Variants in PKN2 observed in about 807,000 individuals in gnomAD.
PKN2 encodes the protein protein kinase N2, also known as serine/threonine-protein kinase N2.
A neutral mutation model predicts 119.1 loss-of-function variants in PKN2; 38 were observed. The observed-to-expected ratio is 0.32, with a 90% CI of 0.25 to 0.42. PKN2 has a LOEUF of 0.42. Among genes scored for constraint, PKN2 ranks in the 10% least tolerant of loss-of-function variants. The pLI is 1.00. For missense variants in PKN2, 850 were observed against 1,165.1 expected (o/e 0.73, Z 3.94); for synonymous variants, 390 against 384.9 (o/e 1.01, Z -0.15).
At chr1:88,700,458 A>G (rs1666728121) in intron 1 of PKN2, among the ~76,000 whole-genome samples, 1 of 152,106 alleles carries the variant, frequency 6.6e-6, no homozygotes. Context: ...ACTTCGTTTG[A>G]CCATAGTTCA....
chr1:88,705,051 A>G (rs969920814), intron 1 of PKN2, among the ~76,000 whole-genome samples: 3 of 151,652 alleles, frequency 2.0e-5, no homozygotes, highest in African/African-American at 7.3e-5. Context: ...GAGAGTCTTT[A>G]TATATTCTGA....
intron 2 of PKN2, among the ~76,000 whole-genome samples, chr1:88,748,659 G>A (rs1668867398): frequency 6.6e-6 from 1 of 152,150 alleles, no homozygotes; most frequent in South Asian, 2.1e-4. Flanking sequence ...AGATGGCTGG[G>A]CACAGTGGCT....
intron 8 of PKN2, among the ~76,000 whole-genome samples, chr1:88,800,834 G>T (rs1037422816): frequency 1.3e-5 from 2 of 152,104 alleles, no homozygotes; most frequent in Non-Finnish European, 2.9e-5. Flanking sequence ...AAGACATGCA[G>T]ATTCTTTAAG....
rs1307422597 is a variant in PKN2 at position 88,823,785 on chromosome 1, C to T, written c.2343-525C>T. ...CAGCACTTTGGAAGGCTGAGGCCAG[C>T]GGATCACGAGGTCAGAAGTTCAAGA... On this transcript the variant is annotated intron_variant, in intron 17 of 21. Coordinates refer to ENST00000370521, the MANE Select transcript of PKN2 (RefSeq NM_006256.4). Among the ~76,000 whole-genome samples, 7 of 145,088 alleles carry T rather than the reference C, an allele frequency of 4.8e-5. No individual in the cohort carries two copies. The East Asian group carries it at 6.1e-4, about 13-fold the overall frequency.
chr1:88,688,824 C>T (rs1479534663), intron 1 of PKN2, among the ~76,000 whole-genome samples: 2 of 152,174 alleles, frequency 1.3e-5, no homozygotes, highest in African/African-American at 4.8e-5. Flanking sequence ...GATGAGAATG[C>T]TCCATTTGTC....
In PKN2 at chr1:88,684,602, G is replaced by C; in HGVS notation, c.22G>C (p.Gly8Arg). The C allele has an allele frequency of 6.4e-7, 1 of 1,563,708 alleles. No homozygotes were observed. The highest frequency in any genetic ancestry group is 8.7e-7 in the Non-Finnish European group (1 of 1,155,426). The stretch of plus-strand genomic sequence containing the variant: ...CGCAATGGCGTCCAACCCCGAACGG[G>C]GGGAGATTCTGCTCACGGAACTGCA... Reference protein sequence around the residue: MASNPERGEILLTELQGD... With the variant: MASNPERREILLTELQGD... Residue 8 changes from glycine (G) to arginine (R), a missense_variant, in exon 1 of 22, where the codon GGG becomes CGG. Coordinates refer to ENST00000370521, the MANE Select transcript of PKN2 (RefSeq NM_006256.4).
Position 88,684,570 on chromosome 1 carries a change from A to C in PKN2, c.-11A>C. ...GGCCGCGTCCAGGTGCGGAGTCCATACCGGAGCGCAATGGCGTCCAACCCC... is the reference window on the plus strand; with the variant it reads ...GGCCGCGTCCAGGTGCGGAGTCCATCCCGGAGCGCAATGGCGTCCAACCCC... On this transcript the variant is annotated 5_prime_UTR_variant, in exon 1 of 22. Coordinates refer to ENST00000370521, the MANE Select transcript of PKN2 (RefSeq NM_006256.4). The C allele has an allele frequency of 6.5e-7, 1 of 1,547,278 alleles. No homozygotes were observed. The highest frequency in any genetic ancestry group is 8.7e-7 in the Non-Finnish European group (1 of 1,147,238).
intron 8 of PKN2, among the ~76,000 whole-genome samples, chr1:88,797,971 A>G (rs1419216198): frequency 6.6e-6 from 1 of 152,104 alleles, no homozygotes; most frequent in East Asian, 1.9e-4. Context: ...AAATGCACAC[A>G]AAAAAGAAAA....
At chr1:88,805,384 A>C in intron 10 of PKN2, 113 bp from the exon 11 acceptor site, 1 of 921,136 alleles carries the variant, frequency 1.1e-6, no homozygotes, top group African/African-American at 1.7e-5. Flanking sequence ...TAAGTGACAA[A>C]TTTTGTTTGT....
chr1:88,791,338 G>C (rs1330049266), intron 8 of PKN2, among the ~76,000 whole-genome samples: 1 of 151,704 alleles, frequency 6.6e-6, no homozygotes. Context: ...CTAGGAGGCT[G>C]AGGCATGCGA....
chr1:88,721,195 T>C (rs1296839152), intron 1 of PKN2, among the ~76,000 whole-genome samples: 3 of 152,172 alleles, frequency 2.0e-5, no homozygotes, highest in Non-Finnish European at 2.9e-5. Flanking sequence ...TTAAGGAATC[T>C]CCACACTGTT....
chr1:88,771,573 T>G lies in PKN2; in HGVS notation c.768+7T>G, dbSNP rs1669895604. On this transcript the variant is annotated splice_region_variant and intron_variant, in intron 5 of 21. Coordinates refer to ENST00000370521, the MANE Select transcript of PKN2 (RefSeq NM_006256.4). Reference sequence around the variant, plus strand: ...CAGAAAAGCACTTTCAGAAGTAATTTTAAATAAAAATTTTTATTTGGTTTA... The same window carrying G: ...CAGAAAAGCACTTTCAGAAGTAATTGTAAATAAAAATTTTTATTTGGTTTA... 6.4e-7 allele frequency: 1 copy of G among 1,571,108 alleles called. No individual in the cohort carries two copies. The highest frequency in any genetic ancestry group is 8.6e-7 in the Non-Finnish European group (1 of 1,162,330).
chr1:88,774,022 C>T (rs2100807461), intron 6 of PKN2, among the ~76,000 whole-genome samples: 1 of 152,218 alleles, frequency 6.6e-6, no homozygotes, highest in South Asian at 2.1e-4. Flanking sequence ...TTTGCAGGAA[C>T]AAATCATAGA....
intron 2 of PKN2, among the ~76,000 whole-genome samples, chr1:88,752,141 C>T (rs1471041183): frequency 1.3e-5 from 2 of 152,112 alleles, no homozygotes; most frequent in Non-Finnish European, 2.9e-5. Flanking sequence ...TTTCCTTCTA[C>T]GTAGTTTTTT....
At chr1:88,819,950 CA>C (rs1672177499) in intron 16 of PKN2, among the ~76,000 whole-genome samples, 2 of 150,828 alleles carry the variant, frequency 1.3e-5, no homozygotes, top group South Asian at 4.2e-4. Flanking sequence ...GGGAGTTGAA[CA>C]ATGAGAACAC....
At chr1:88,685,732 C>T (rs957078768) in intron 1 of PKN2, among the ~76,000 whole-genome samples, 1 of 152,032 alleles carries the variant, frequency 6.6e-6, no homozygotes, top group Non-Finnish European at 1.5e-5. Flanking sequence ...AGCATGCCTG[C>T]ATTTCTTTTT....
In PKN2 at chr1:88,809,057, A is replaced by G. The variant is rs559729208; in HGVS notation, c.2102+1282A>G. ...TTCCACCATATGGGTAGTTCTTAGA[A>G]TAAGGACAGGCCTCAAAAGGTTGAG... On this transcript the variant is annotated intron_variant, in intron 15 of 21. Transcript: ENST00000370521. Among the ~76,000 whole-genome samples the G allele has an allele frequency of 5.3e-5, 8 of 152,336 alleles. No individual in the cohort carries two copies. In the South Asian group the frequency reaches 1.7e-3, roughly 32 times the overall value.
At chr1:88,827,704 G>GAT (rs1285462001) in intron 18 of PKN2, among the ~76,000 whole-genome samples, 20 of 130,206 alleles carry the variant, frequency 1.5e-4, no homozygotes, top group Non-Finnish European at 3.0e-4. Context: ...TATATATTGA[G>GAT]ATATATATAT....
chr1:88,784,534 T>C (rs1670488865), intron 6 of PKN2, 105 bp from the exon 7 acceptor site: 1 of 564,294 alleles, frequency 1.8e-6, no homozygotes, highest in Non-Finnish European at 2.8e-6. Flanking sequence ...AGAGTTTTTG[T>C]TACCAGATTT....
Sources: gnomAD v4.1 joint callset for allele counts (sites outside exome capture counted in the v4.1 genomes callset) on GRCh38, gnomAD v4.1.1 for gene constraint, MANE v1.5 for transcripts, NCBI Gene and HGNC (gene_info 2026-07-23, HGNC 2026-07-21) for gene names.